EPB41: variants seen among roughly 807,000 people sequenced by gnomAD.
EPB41 encodes erythrocyte membrane protein band 4.1.
EPB41 carries 65 observed loss-of-function variants against 108.0 expected under a neutral mutation model. The ratio of observed to expected loss-of-function variants is 0.60; its 90% confidence interval spans 0.49 to 0.74. EPB41 has a LOEUF of 0.74. Ranked by LOEUF, EPB41 falls within the 30% of genes least tolerant of loss-of-function variation. The pLI is 0.00. For missense variants in EPB41, 875 were observed against 1,037.0 expected (o/e 0.84, Z 2.15); for synonymous variants, 336 against 358.9 (o/e 0.94, Z 0.72).
chr1:28,985,047 C>T (rs1212397021), intron 1 of EPB41, among the ~76,000 whole-genome samples: 1 of 152,030 alleles, frequency 6.6e-6, no homozygotes, highest in Non-Finnish European at 1.5e-5. Flanking sequence ...TCACCACAAC[C>T]TCCGCCTCCC....
In EPB41 at chr1:29,008,986, C is replaced by T. The variant is rs368603339; in HGVS notation, c.787-2879C>T. Among the ~76,000 whole-genome samples, 38 of 152,312 alleles carry T rather than the reference C, an allele frequency of 2.5e-4. No homozygotes were observed. In the South Asian group the frequency reaches 7.2e-3, roughly 29 times the overall value. ...CTTCTAAACCATTTTGGTGCATGTC[C>T]TCTGTGCTCTCAGAATACCCTATGC... is the stretch of plus-strand genomic sequence containing the variant. On this transcript the variant is annotated intron_variant, in intron 4 of 20. Coordinates refer to ENST00000343067, the MANE Select transcript of EPB41 (RefSeq NM_001376013.1).
chr1:29,112,125 A>T (rs1158848906), intron 18 of EPB41, among the ~76,000 whole-genome samples: 2 of 151,974 alleles, frequency 1.3e-5, no homozygotes, highest in East Asian at 1.9e-4. Context: ...TAAAATTTGG[A>T]GTGGAGCTTT....
intron 12 of EPB41, chr1:29,053,513 C>G: frequency 1.5e-6 from 1 of 653,056 alleles, no homozygotes; most frequent in Non-Finnish European, 2.7e-6. Context: ...TAAGCTATCT[C>G]AGAAGTTATA....
At chr1:29,091,650 A>G (rs1379943968) in intron 16 of EPB41, among the ~76,000 whole-genome samples, 1 of 152,218 alleles carries the variant, frequency 6.6e-6, no homozygotes, top group Non-Finnish European at 1.5e-5. Context: ...TATAAGTCAA[A>G]CCAAGTATTA....
chr1:28,907,956 C>T (rs1191514399), intron 1 of EPB41, among the ~76,000 whole-genome samples: 6 of 152,076 alleles, frequency 3.9e-5, no homozygotes, highest in Non-Finnish European at 8.8e-5. Context: ...AGGTGTGAGC[C>T]CCTGCACAGC....
chr1:29,070,053 A>G (rs1258770730), intron 16 of EPB41: 2 of 206,454 alleles, frequency 9.7e-6, no homozygotes, highest in Non-Finnish European at 1.9e-5. Flanking sequence ...AAAGTAATAG[A>G]AAATGACCTA....
At position 29,017,756 on chromosome 1, in the gene EPB41, A is replaced by G. The variant is rs11806760; in HGVS notation, c.906-468A>G. On this transcript the variant is annotated intron_variant, in intron 6 of 20. Transcript: ENST00000343067. ...GGTTTTGGAGCCAGTCTTCATTACT[A>G]CCTGACACCGAGCACGCTAAGCTTC... Among the ~76,000 whole-genome samples, 1,026 of 152,284 alleles carry G rather than the reference A, an allele frequency of 6.7e-3. 7 individuals carry two copies. Among genetic ancestry groups the G allele is most frequent in the African/African-American group, 0.023 (965 of 41,558 alleles).
intron 16 of EPB41, among the ~76,000 whole-genome samples, chr1:29,084,723 A>T (rs1157132225): frequency 6.6e-6 from 1 of 152,230 alleles, no homozygotes; most frequent in Non-Finnish European, 1.5e-5. Flanking sequence ...AACAGACAGT[A>T]TGTATCCCAA....
chr1:28,989,344 A>G (rs2095951348), intron 2 of EPB41: 2 of 954,450 alleles, frequency 2.1e-6, no homozygotes, highest in Non-Finnish European at 2.5e-6. Flanking sequence ...TGAGAATGTC[A>G]TTTATTTTCA....
chr1:29,089,516 C>T (rs1175042), intron 16 of EPB41, among the ~76,000 whole-genome samples: 125,396 of 152,188 alleles, frequency 0.82, 52,154 homozygotes, highest in Middle Eastern at 0.89. Context: ...CCAGTGATGA[C>T]AGGGTACAAT....
chr1:29,076,451 C>T (rs1472950708), intron 16 of EPB41, among the ~76,000 whole-genome samples: 1 of 151,978 alleles, frequency 6.6e-6, no homozygotes, highest in East Asian at 1.9e-4. Context: ...TTCATGTAGC[C>T]CAGAATCTGT....
intron 7 of EPB41, among the ~76,000 whole-genome samples, chr1:29,027,335 CA>C (rs2096732484): frequency 7.5e-6 from 1 of 133,946 alleles, no homozygotes; most frequent in South Asian, 2.4e-4. Flanking sequence ...GGTCTCTCAA[CA>C]TTTTTTTTTT....
chr1:28,998,805 A>G (rs767877993), intron 4 of EPB41, among the ~76,000 whole-genome samples: 1 of 152,308 alleles, frequency 6.6e-6, no homozygotes, highest in East Asian at 1.9e-4. Flanking sequence ...GTAAATCTCA[A>G]ATGTTCTCAT....
Position 28,987,907 on chromosome 1 carries a change from T to A in EPB41, c.468+2T>A. 1 of 1,612,890 alleles carries A rather than the reference T, an allele frequency of 6.2e-7. No individual in the cohort carries two copies. Among genetic ancestry groups the A allele is most frequent in the Non-Finnish European group, 8.5e-7 (1 of 1,178,944 alleles). On this transcript the variant is annotated splice_donor_variant, in intron 2 of 20. Coordinates refer to ENST00000343067, the MANE Select transcript of EPB41 (RefSeq NM_001376013.1). LOFTEE classifies it high-confidence loss of function. Reference sequence around the variant, plus strand: ...TCATTAAGCAGTGCAGAAACACAGGTAAGGATGTGTGGATATGGGAGGTGG... The same window carrying A: ...TCATTAAGCAGTGCAGAAACACAGGAAAGGATGTGTGGATATGGGAGGTGG...
rs1214429409 is a variant in EPB41 at position 29,115,141 on chromosome 1, C to T, written c.2497-558C>T. Among the ~76,000 whole-genome samples the T allele has an allele frequency of 6.6e-6, 1 of 152,110 alleles. No individual in the cohort carries two copies. The highest frequency in any genetic ancestry group is 1.5e-5 in the Non-Finnish European group (1 of 68,026). On this transcript the variant is annotated intron_variant, in intron 19 of 20. Coordinates refer to ENST00000343067, the MANE Select transcript of EPB41 (RefSeq NM_001376013.1). The surrounding 1 kb of genome is among the most constrained non-coding windows in gnomAD (Gnocchi z 4.4). ...GGTGCAGTGGCTCACACCTGTCATC[C>T]CAGCACTTTGGGAGGCCAAGCCAGG...
At position 29,021,454 on chromosome 1, in the gene EPB41, T is replaced by G. The variant is rs144886215; in HGVS notation, c.1124+3012T>G. On this transcript the variant is annotated intron_variant, in intron 7 of 20. Transcript: ENST00000343067. Reference sequence around the variant, plus strand: ...TTTTATTAAGTCTTGAATACATTTCTATTTAATATTCTGTGTGATTAGATG... The same window carrying G: ...TTTTATTAAGTCTTGAATACATTTCGATTTAATATTCTGTGTGATTAGATG... 1.4e-3 allele frequency among the ~76,000 whole-genome samples: 213 copies of G among 152,358 alleles called. 1 individual carries two copies. Among genetic ancestry groups the G allele is most frequent in the African/African-American group, 3.8e-3 (156 of 41,586 alleles).
At chr1:28,959,529 T>A (rs2095113118) in intron 1 of EPB41, among the ~76,000 whole-genome samples, 1 of 152,150 alleles carries the variant, frequency 6.6e-6, no homozygotes, top group Non-Finnish European at 1.5e-5. Flanking sequence ...AAGTTTGATC[T>A]TTCAATAAAT....
At chr1:28,974,365 G>C (rs188788148) in intron 1 of EPB41, among the ~76,000 whole-genome samples, 3 of 152,078 alleles carry the variant, frequency 2.0e-5, no homozygotes, top group East Asian at 3.9e-4. Context: ...TTTCATTTCT[G>C]TTGGGGCATG....
At chr1:29,026,187 A>G (rs2096716528) in intron 7 of EPB41, among the ~76,000 whole-genome samples, 1 of 152,186 alleles carries the variant, frequency 6.6e-6, no homozygotes, top group Non-Finnish European at 1.5e-5. Context: ...GGCTGCAATG[A>G]GAGATTATAT....
Sources: allele counts gnomAD v4.1 joint callset (sites outside exome capture counted in the v4.1 genomes callset), GRCh38; gene constraint gnomAD v4.1.1; non-coding constraint Gnocchi (gnomAD v3.1); transcripts MANE v1.5; gene names NCBI Gene and HGNC (gene_info 2026-07-23, HGNC 2026-07-21).